The following SLC60A2 variants were observed in gnomAD, a reference collection of about 807,000 sequenced individuals.
SLC60A2 encodes major facilitator superfamily domain containing 4B.
chr6:111,266,311 C>G, the SLC60A2 span: 1 of 1,614,018 alleles, frequency 6.2e-7, no homozygotes, highest in African/African-American at 1.3e-5. Context: ...ACATATGGCT[C>G]TTATGTTTTC....
the SLC60A2 span, chr6:111,266,865 A>G: frequency 1.9e-6 from 3 of 1,614,050 alleles, no homozygotes; most frequent in Non-Finnish European, 2.5e-6. Context: ...CTCCGGGCTA[A>G]ATGAATATGA....
chr6:111,265,909 A>G, the SLC60A2 span: 1 of 1,612,570 alleles, frequency 6.2e-7, no homozygotes, highest in Non-Finnish European at 8.5e-7. Context: ...ATTTGGGGGG[A>G]CAAAGGAGCC....
chr6:111,261,411 C>T, the SLC60A2 span, among the ~76,000 whole-genome samples: 1 of 152,124 alleles, frequency 6.6e-6, no homozygotes, highest in Non-Finnish European at 1.5e-5. Context: ...TCTCAGCCTC[C>T]CTAGTAACTG....
chr6:111,265,625 G>A, the SLC60A2 span, among the ~76,000 whole-genome samples: 51 of 152,096 alleles, frequency 3.4e-4, 1 homozygote, highest in Admixed American at 1.4e-3. Flanking sequence ...TTGGTTCTAG[G>A]AGGTAGTAGT....
the SLC60A2 span, chr6:111,259,535 C>G: frequency 1.7e-6 from 1 of 591,806 alleles, no homozygotes; most frequent in East Asian, 3.3e-5. Flanking sequence ...CCGGAGCCGC[C>G]GAGCTGGAGT....
At chr6:111,272,378 G>C in the SLC60A2 span, among the ~76,000 whole-genome samples, 1 of 152,114 alleles carries the variant, frequency 6.6e-6, no homozygotes, top group African/African-American at 2.4e-5. Flanking sequence ...ATTATCTCAA[G>C]TGTTATAATT....
At chr6:111,262,974 A>G in the SLC60A2 span, among the ~76,000 whole-genome samples, 1,179 of 151,434 alleles carry the variant, frequency 7.8e-3, 8 homozygotes, top group Non-Finnish European at 0.01. Context: ...CTCTCCCTCT[A>G]TTGCCCAGGC....
At chr6:111,273,484 G>C in the SLC60A2 span, among the ~76,000 whole-genome samples, 1 of 140,266 alleles carries the variant, frequency 7.1e-6, no homozygotes, top group African/African-American at 2.5e-5. Context: ...TTGTAAATTA[G>C]TTGAGATTTG....
chr6:111,262,601 G>T, the SLC60A2 span, among the ~76,000 whole-genome samples: 1 of 152,098 alleles, frequency 6.6e-6, no homozygotes, highest in Non-Finnish European at 1.5e-5. Flanking sequence ...ACAGTTAGAG[G>T]GTATCTGTGC....
the SLC60A2 span, among the ~76,000 whole-genome samples, chr6:111,264,819 C>T: frequency 3.3e-5 from 5 of 150,006 alleles, no homozygotes; most frequent in African/African-American, 7.4e-5. Flanking sequence ...TAAATAACGG[C>T]GGGGTGGCTT....
the SLC60A2 span, chr6:111,262,322 C>A: frequency 4.3e-6 from 7 of 1,613,862 alleles, no homozygotes; most frequent in Admixed American, 5.0e-5. Flanking sequence ...ACCGAAATAT[C>A]AGTAGTCTGT....
chr6:111,275,681 T>A, the SLC60A2 span, among the ~76,000 whole-genome samples: 1 of 152,174 alleles, frequency 6.6e-6, no homozygotes, highest in African/African-American at 2.4e-5. Context: ...GTGCTGCGAT[T>A]ACAGGTGTGA....
chr6:111,262,528 A>AATG, the SLC60A2 span: 1 of 1,099,752 alleles, frequency 9.1e-7, no homozygotes, highest in South Asian at 1.4e-5. Context: ...TGGCCACTGA[A>AATG]ATGGGTAGTG....
At chr6:111,274,652 T>C in the SLC60A2 span, among the ~76,000 whole-genome samples, 5 of 152,200 alleles carry the variant, frequency 3.3e-5, no homozygotes, top group Admixed American at 2.6e-4. Context: ...ATAAGTTTTC[T>C]TTATCTTCCT....
At chr6:111,262,224 A>G in the SLC60A2 span, 3 of 1,575,410 alleles carry the variant, frequency 1.9e-6, no homozygotes, top group Admixed American at 3.5e-5. Flanking sequence ...TTTAATGATT[A>G]TAAGTAAAAA....
chr6:111,274,231 A>T, the SLC60A2 span, among the ~76,000 whole-genome samples: 1 of 152,170 alleles, frequency 6.6e-6, no homozygotes, highest in East Asian at 1.9e-4. Flanking sequence ...AGCCTTTTGA[A>T]TTGATCTCTT....
At chr6:111,276,482 T>C in the SLC60A2 span, among the ~76,000 whole-genome samples, 1 of 152,218 alleles carries the variant, frequency 6.6e-6, no homozygotes, top group Non-Finnish European at 1.5e-5. Context: ...ACCCATGTAC[T>C]GAATAAGTGA....
the SLC60A2 span, among the ~76,000 whole-genome samples, chr6:111,272,704 G>T: frequency 6.6e-6 from 1 of 151,590 alleles, no homozygotes; most frequent in African/African-American, 2.4e-5. Context: ...TAGAGATGGG[G>T]TTTTACCATG....
the SLC60A2 span, among the ~76,000 whole-genome samples, chr6:111,275,690 G>C: frequency 6.6e-6 from 1 of 152,146 alleles, no homozygotes; most frequent in Non-Finnish European, 1.5e-5. Flanking sequence ...TTACAGGTGT[G>C]AGCCACTGTG....
Sources: gnomAD v4.1 joint callset for allele counts (sites outside exome capture counted in the v4.1 genomes callset) on GRCh38, gnomAD v4.1.1 for gene constraint, MANE v1.5 for transcripts, NCBI Gene and HGNC (gene_info 2026-07-23, HGNC 2026-07-21) for gene names.